PCDH15: variants seen among roughly 807,000 people sequenced by gnomAD.
The protein encoded by PCDH15 is protocadherin related 15.
In PCDH15, 129 loss-of-function variants were observed where a neutral mutation model predicts 178.5. The observed-to-expected ratio is 0.72, with a 90% CI of 0.63 to 0.84. The LOEUF (loss-of-function observed/expected upper bound fraction) is 0.84, where lower values mean the gene tolerates loss of function less well. PCDH15 is among the 40% of genes least tolerant of loss of function. PCDH15 has a pLI of 0.00. For missense variants in PCDH15, 2,230 were observed against 2,099.9 expected (o/e 1.06, Z -1.21); for synonymous variants, 800 against 732.0 (o/e 1.09, Z -1.50).
At chr10:54,404,140 C>A (rs184049070) in intron 3 of PCDH15, among the ~76,000 whole-genome samples, 3 of 151,648 alleles carry the variant, frequency 2.0e-5, no homozygotes, top group East Asian at 1.9e-4. Context: ...TATAAATATT[C>A]ATATTTATTA....
chr10:54,522,494 T>C (rs969854697), intron 3 of PCDH15, among the ~76,000 whole-genome samples: 1 of 152,188 alleles, frequency 6.6e-6, no homozygotes, highest in South Asian at 2.1e-4. Flanking sequence ...AGTCTTAACT[T>C]TATGCAGTTT....
chr10:53,973,173 G>C (rs2134470494), intron 21 of PCDH15, among the ~76,000 whole-genome samples: 1 of 151,668 alleles, frequency 6.6e-6, no homozygotes, highest in East Asian at 2.0e-4. Context: ...CCATCATTCT[G>C]AGCAAAGTAT....
At chr10:54,266,662 A>G (rs1255408073) in intron 8 of PCDH15, among the ~76,000 whole-genome samples, 1 of 151,938 alleles carries the variant, frequency 6.6e-6, no homozygotes, top group East Asian at 1.9e-4. Flanking sequence ...CTCAGAGACT[A>G]CTATGAACAT....
intron 17 of PCDH15, among the ~76,000 whole-genome samples, chr10:54,067,956 AT>A (rs147883423): frequency 6.6e-6 from 1 of 151,236 alleles, no homozygotes; most frequent in Non-Finnish European, 1.5e-5. Context: ...GAGTCAAGTG[AT>A]TTTTTTTATT....
chr10:54,469,893 C>T (rs556500576), intron 3 of PCDH15, among the ~76,000 whole-genome samples: 46 of 152,160 alleles, frequency 3.0e-4, no homozygotes, highest in African/African-American at 1.0e-3. Flanking sequence ...TGCATACATG[C>T]GGGTACTAGC....
chr10:54,271,577 T>C (rs556712239), intron 8 of PCDH15, among the ~76,000 whole-genome samples: 52 of 152,292 alleles, frequency 3.4e-4, no homozygotes, highest in African/African-American at 7.7e-4. Context: ...AAACATTGTA[T>C]ACTTTTCCAT....
chr10:54,167,932 C>T (rs1362545570), intron 13 of PCDH15, among the ~76,000 whole-genome samples: 2 of 147,300 alleles, frequency 1.4e-5, no homozygotes, highest in African/African-American at 5.0e-5. Context: ...TCCCACTTTT[C>T]TGGAAGGTAA....
At chr10:54,337,014 C>A (rs1006334922) in intron 6 of PCDH15, among the ~76,000 whole-genome samples, 11 of 152,070 alleles carry the variant, frequency 7.2e-5, no homozygotes, top group Admixed American at 7.2e-4. Context: ...CAAAGAAGAT[C>A]ATTTTGGAGC....
intron 2 of PCDH15, among the ~76,000 whole-genome samples, chr10:55,390,721 G>T (rs1376536774): frequency 6.6e-6 from 1 of 152,184 alleles, no homozygotes; most frequent in African/African-American, 2.4e-5. Context: ...AATGGATGCT[G>T]TGTGAACACA....
At chr10:54,544,655 T>C (rs945244936) in intron 2 of PCDH15, among the ~76,000 whole-genome samples, 1 of 152,224 alleles carries the variant, frequency 6.6e-6, no homozygotes, top group Non-Finnish European at 1.5e-5. Context: ...AACAACTTCC[T>C]TCATTGCTTT....
At chr10:54,040,125 T>G (rs2093509614) in intron 18 of PCDH15, among the ~76,000 whole-genome samples, 1 of 152,032 alleles carries the variant, frequency 6.6e-6, no homozygotes, top group African/African-American at 2.4e-5. Flanking sequence ...TAAAAAGTCA[T>G]AATTAGTTCT....
At chr10:54,266,383 T>A (rs1187635814) in intron 8 of PCDH15, among the ~76,000 whole-genome samples, 1 of 151,548 alleles carries the variant, frequency 6.6e-6, no homozygotes, top group East Asian at 1.9e-4. Context: ...AACGTAACAT[T>A]GCACCTAAAG....
intron 32 of PCDH15, among the ~76,000 whole-genome samples, chr10:53,824,285 C>CTTCTCCCAGGATTGTT (rs1208644293): frequency 1.3e-5 from 2 of 152,082 alleles, no homozygotes; most frequent in East Asian, 1.9e-4. Context: ...CATTTGGACC[C>CTTCTCCCAGGATTGTT]TTCTCCCAGG....
At chr10:55,075,527 A>G (rs974369662) in intron 2 of PCDH15, among the ~76,000 whole-genome samples, 48 of 151,622 alleles carry the variant, frequency 3.2e-4, no homozygotes, top group African/African-American at 1.1e-3. Flanking sequence ...CACCGTGTCC[A>G]GCTAATTTTT....
At chr10:54,754,831 G>A (rs1400235119) in intron 1 of PCDH15, among the ~76,000 whole-genome samples, 1 of 151,542 alleles carries the variant, frequency 6.6e-6, no homozygotes, top group Non-Finnish European at 1.5e-5. Context: ...AATGACACAA[G>A]TCGCATATGT....
At chr10:54,813,625 C>G (rs932268894) in intron 3 of PCDH15, among the ~76,000 whole-genome samples, 2 of 152,166 alleles carry the variant, frequency 1.3e-5, no homozygotes, top group Non-Finnish European at 2.9e-5. Context: ...TTTCTCAGCT[C>G]TATTCCTTAT....
At chr10:54,772,689 T>A (rs1949234961) in intron 1 of PCDH15, among the ~76,000 whole-genome samples, 1 of 152,202 alleles carries the variant, frequency 6.6e-6, no homozygotes, top group South Asian at 2.1e-4. Context: ...ATTTCAACCA[T>A]TGTGGAAGAC....
chr10:53,952,419 T>C (rs1294377617), intron 23 of PCDH15, among the ~76,000 whole-genome samples: 1 of 152,140 alleles, frequency 6.6e-6, no homozygotes, highest in Non-Finnish European at 1.5e-5. Context: ...CCAGAGTGGG[T>C]AGCTCCTATC....
chr10:55,118,449 C>A (rs1347832454), intron 2 of PCDH15, among the ~76,000 whole-genome samples: 1 of 152,112 alleles, frequency 6.6e-6, no homozygotes, highest in Non-Finnish European at 1.5e-5. Flanking sequence ...CATTCAACTT[C>A]CCTTACAATG....
Sources: allele counts gnomAD v4.1 joint callset (sites outside exome capture counted in the v4.1 genomes callset), GRCh38; gene constraint gnomAD v4.1.1; transcripts MANE v1.5; gene names NCBI Gene and HGNC (gene_info 2026-07-23, HGNC 2026-07-21).